Variants in MKLN1 observed in about 807,000 individuals in gnomAD.
MKLN1 encodes muskelin 1, also known as muskelin.
MKLN1 carries 18 observed loss-of-function variants against 99.0 expected under a neutral mutation model. The observed-to-expected ratio is 0.18, with a 90% CI of 0.13 to 0.27. MKLN1 has a LOEUF of 0.27. Ranked by LOEUF, MKLN1 falls within the 10% of genes least tolerant of loss-of-function variation. The probability of loss-of-function intolerance (pLI) is 1.00; values close to 1 mark genes in which losing one functional copy is unlikely to be tolerated. For synonymous variants in MKLN1, 288 were observed against 293.2 expected (o/e 0.98, Z 0.18); for missense variants, 621 against 875.9 (o/e 0.71, Z 3.67).
intron 2 of MKLN1, among the ~76,000 whole-genome samples, chr7:131,192,073 AT>A (rs1453249256): frequency 9.8e-6 from 1 of 102,526 alleles, no homozygotes; most frequent in Non-Finnish European, 1.9e-5. Context: ...TATATTATAT[AT>A]ATACATATAT....
At chr7:131,229,735 G>A (rs1197443276) in intron 3 of MKLN1, among the ~76,000 whole-genome samples, 4 of 151,900 alleles carry the variant, frequency 2.6e-5, no homozygotes, top group African/African-American at 4.8e-5. Context: ...TTTTTTATTC[G>A]TAGTAATGGG....
At chr7:131,422,143 G>T (rs1795216849) in intron 8 of MKLN1, among the ~76,000 whole-genome samples, 1 of 152,124 alleles carries the variant, frequency 6.6e-6, no homozygotes. Flanking sequence ...TCTAGCACAA[G>T]GATTCTTTAT....
chr7:131,217,580 C>T (rs1259065872), intron 3 of MKLN1, among the ~76,000 whole-genome samples: 4 of 152,352 alleles, frequency 2.6e-5, no homozygotes, highest in Non-Finnish European at 5.9e-5. Flanking sequence ...CACCTGTAAT[C>T]CCGGCTACTC....
chr7:131,487,254 C>T lies in MKLN1; in HGVS notation c.2087-353C>T, dbSNP rs1222233327. ...CCTCAGTGGACCAGCAGAGAAAAGA[C>T]CTAATAAGGAAAAAAAGAGAGATCA... On this transcript the variant is annotated intron_variant, in intron 17 of 17. Coordinates refer to ENST00000352689, the MANE Select transcript of MKLN1 (RefSeq NM_013255.5). This position sits in a 1 kb window ranked among gnomAD's most constrained non-coding sequence, Gnocchi z 4.7. Among the ~76,000 whole-genome samples the T allele has an allele frequency of 6.6e-6, 1 of 151,974 alleles. No homozygotes were observed. The highest frequency in any genetic ancestry group is 1.5e-5 in the Non-Finnish European group (1 of 67,962).
Position 131,438,107 on chromosome 7 carries a change from C to A in MKLN1, c.1173+110C>A, listed in dbSNP as rs1795726274. The stretch of plus-strand genomic sequence containing the variant: ...AGTTGTCCAGTAGTGCTTTCCATGA[C>A]AAATATCTATTGACAGTAATAATTG... On this transcript the variant is annotated intron_variant, in intron 10 of 17. Transcript: ENST00000352689. 14 of 779,078 alleles carry A rather than the reference C, an allele frequency of 1.8e-5. No individual in the cohort carries two copies. The South Asian group carries it at 2.3e-4, about 13-fold the overall frequency. The allele number at this position is 779,078 out of a possible 1,614,324, so 48.3% of individuals were successfully genotyped here. A position where few individuals can be genotyped will look rare whatever the true frequency, so the allele number is the denominator to read the frequency against.
At chr7:131,193,241 T>C (rs1208712184) in intron 2 of MKLN1, among the ~76,000 whole-genome samples, 1 of 152,162 alleles carries the variant, frequency 6.6e-6, no homozygotes, top group Non-Finnish European at 1.5e-5. Context: ...AGGCGATCAG[T>C]TTGCTTGTTT....
At chr7:131,387,886 T>A (rs1042220300) in intron 3 of MKLN1, among the ~76,000 whole-genome samples, 45 of 152,166 alleles carry the variant, frequency 3.0e-4, no homozygotes, top group Non-Finnish European at 4.4e-5. Context: ...ATATTTGTGA[T>A]GGCTGGGTGT....
At chr7:131,344,171 G>C (rs1028340827) in intron 1 of MKLN1, among the ~76,000 whole-genome samples, 1 of 151,990 alleles carries the variant, frequency 6.6e-6, no homozygotes, top group African/African-American at 2.4e-5. Context: ...TAGTAATTGG[G>C]GTGATTTTTA....
At chr7:131,366,429 A>G (rs1162455056) in intron 1 of MKLN1, among the ~76,000 whole-genome samples, 2 of 152,204 alleles carry the variant, frequency 1.3e-5, no homozygotes, top group African/African-American at 4.8e-5. Flanking sequence ...GCTTACTGAT[A>G]AGCATCCTGA....
chr7:131,285,013 G>A (rs1482255288), intron 3 of MKLN1: 3 of 152,360 alleles, frequency 2.0e-5, no homozygotes, highest in East Asian at 3.9e-4. Flanking sequence ...TAAGTGATGC[G>A]TACTCTGAGG....
intron 6 of MKLN1, among the ~76,000 whole-genome samples, chr7:131,403,356 T>C (rs960932437): frequency 1.3e-5 from 2 of 152,192 alleles, no homozygotes; most frequent in African/African-American, 4.8e-5. Flanking sequence ...ATGCTTTAGA[T>C]TAGGTTTTGG....
At chr7:131,383,152 T>C (rs187366585) in intron 2 of MKLN1, among the ~76,000 whole-genome samples, 4 of 152,300 alleles carry the variant, frequency 2.6e-5, no homozygotes, top group African/African-American at 9.6e-5. Flanking sequence ...TTAAAACCTT[T>C]TTATGTTTCT....
At chr7:131,222,860 C>CAAAAAAAAA (rs375317109) in intron 3 of MKLN1, among the ~76,000 whole-genome samples, 6 of 88,454 alleles carry the variant, frequency 6.8e-5, no homozygotes, top group Non-Finnish European at 9.5e-5. Flanking sequence ...GCTAAAAATA[C>CAAAAAAAAA]AAAAAAAAAA....
At chr7:131,475,555 T>C (rs1796940706) in intron 16 of MKLN1, among the ~76,000 whole-genome samples, 1 of 152,228 alleles carries the variant, frequency 6.6e-6, no homozygotes, top group Non-Finnish European at 1.5e-5. Context: ...GGCTCACGCT[T>C]GTAATCACAG....
chr7:131,296,788 G>A lies in MKLN1; in HGVS notation c.-178-78636G>A, dbSNP rs532304756. 2.6e-5 allele frequency among the ~76,000 whole-genome samples: 4 copies of A among 152,264 alleles called. No homozygotes were observed. In the South Asian group the frequency reaches 8.3e-4, roughly 32 times the overall value. On this transcript the variant is annotated intron_variant, in intron 3 of 7. Transcript: ENST00000416992. Reference sequence around the variant, plus strand: ...GTCTCACTCTGTCACCCAGGCTGGAGTGTAGTAGCATGATTTCAGCTCACT... The same window carrying A: ...GTCTCACTCTGTCACCCAGGCTGGAATGTAGTAGCATGATTTCAGCTCACT...
intron 12 of MKLN1, 22 bp from the exon 13 acceptor site, chr7:131,463,195 T>A (rs1392983683): frequency 1.9e-6 from 3 of 1,568,860 alleles, no homozygotes; most frequent in African/African-American, 2.7e-5. Flanking sequence ...ATTTTCATCT[T>A]ATTTTTTTCT....
chr7:131,310,927 T>C (rs752734928), intron 3 of MKLN1, among the ~76,000 whole-genome samples: 24 of 152,096 alleles, frequency 1.6e-4, no homozygotes, highest in Non-Finnish European at 3.1e-4. Flanking sequence ...TTTACCCAAT[T>C]GTTATAAAGT....
chr7:131,141,534 C>T (rs1409268504), intron 1 of MKLN1, among the ~76,000 whole-genome samples: 1 of 152,204 alleles, frequency 6.6e-6, no homozygotes, highest in Non-Finnish European at 1.5e-5. Flanking sequence ...GCTCACCTTT[C>T]CAGTCTCATC....
chr7:131,220,109 G>C (rs1363949533), intron 3 of MKLN1, among the ~76,000 whole-genome samples: 1 of 152,120 alleles, frequency 6.6e-6, no homozygotes, highest in Non-Finnish European at 1.5e-5. Context: ...GAGAACAATT[G>C]TTTTCTTTCC....
Sources: allele counts gnomAD v4.1 joint callset (sites outside exome capture counted in the v4.1 genomes callset), GRCh38; gene constraint gnomAD v4.1.1; non-coding constraint Gnocchi (gnomAD v3.1); transcripts MANE v1.5; gene names NCBI Gene and HGNC (gene_info 2026-07-23, HGNC 2026-07-21).